Variants in ANKRD28 observed in about 807,000 individuals in gnomAD.
ANKRD28 encodes the protein ankyrin repeat domain 28, also known as serine/threonine-protein phosphatase 6 regulatory ankyrin repeat subunit A.
A neutral mutation model predicts 126.5 loss-of-function variants in ANKRD28; 44 were observed. The observed-to-expected ratio is 0.35, with a 90% confidence interval of 0.27 to 0.45. The LOEUF (loss-of-function observed/expected upper bound fraction) is 0.45. Ranked by LOEUF, ANKRD28 falls within the 20% of genes least tolerant of loss-of-function variation. ANKRD28 has a pLI of 1.00. For missense variants in ANKRD28, 1,110 were observed against 1,316.6 expected, an observed-to-expected ratio of 0.84 and a Z score of 2.43; for synonymous variants, 442 against 468.5, an observed-to-expected ratio of 0.94 and a Z score of 0.73.
At chr3:15,732,521 A>T (rs1289652824) in intron 6 of ANKRD28, 1 of 152,244 alleles carries the variant, frequency 6.6e-6, no homozygotes, top group African/African-American at 2.4e-5. Context: ...GACACGCAAA[A>T]GTGTGTTGTG....
intron 6 of ANKRD28, among the ~76,000 whole-genome samples, chr3:15,730,418 A>C (rs2074498012): frequency 6.6e-6 from 1 of 152,216 alleles, no homozygotes; most frequent in Non-Finnish European, 1.5e-5. Context: ...GTAGGGCCTA[A>C]AAGGAAATTA....
chr3:15,725,881 A>C (rs959861610), intron 6 of ANKRD28, among the ~76,000 whole-genome samples: 13 of 152,122 alleles, frequency 8.5e-5, no homozygotes, highest in Non-Finnish European at 1.9e-4. Flanking sequence ...TGTCTCCACT[A>C]AAAATACAAA....
intron 1 of ANKRD28, among the ~76,000 whole-genome samples, chr3:15,856,569 C>G (rs555982559): frequency 5.9e-5 from 9 of 152,260 alleles, no homozygotes; most frequent in African/African-American, 2.2e-4. Flanking sequence ...TGTGTCCATT[C>G]CTATAAACAG....
At chr3:15,823,606 T>C (rs1383987601) in intron 1 of ANKRD28, among the ~76,000 whole-genome samples, 1 of 152,026 alleles carries the variant, frequency 6.6e-6, no homozygotes, top group African/African-American at 2.4e-5. Flanking sequence ...ATACCAAAAC[T>C]AGAAAAAGAC....
At chr3:15,744,224 A>G (rs574676552) in intron 4 of ANKRD28, among the ~76,000 whole-genome samples, 2 of 152,330 alleles carry the variant, frequency 1.3e-5, no homozygotes, top group South Asian at 2.1e-4. Context: ...TACAGAAGTT[A>G]TATCTTTTTG....
At chr3:15,729,284 T>C (rs944131073) in intron 6 of ANKRD28, among the ~76,000 whole-genome samples, 1 of 152,204 alleles carries the variant, frequency 6.6e-6, no homozygotes, top group Non-Finnish European at 1.5e-5. Flanking sequence ...CACCTCTGTG[T>C]CTTTGTTCAT....
At chr3:15,783,024 T>C (rs766754585) in intron 2 of ANKRD28, among the ~76,000 whole-genome samples, 1 of 151,636 alleles carries the variant, frequency 6.6e-6, no homozygotes, top group Non-Finnish European at 1.5e-5. Flanking sequence ...AACATGACAA[T>C]GGGACAGTTT....
intron 6 of ANKRD28, among the ~76,000 whole-genome samples, chr3:15,730,209 G>C (rs1462656850): frequency 6.6e-6 from 1 of 152,098 alleles, no homozygotes; most frequent in East Asian, 1.9e-4. Flanking sequence ...TCACAATAAA[G>C]TAATTTGAAG....
chr3:15,737,036 A>G lies in ANKRD28; in HGVS notation c.549T>C (p.Gly183=). 1.2e-6 allele frequency: 2 copies of G among 1,613,898 alleles called. No homozygotes were observed. The highest frequency in any genetic ancestry group is 1.7e-6 in the Non-Finnish European group (2 of 1,179,844). Reference sequence around the variant, plus strand: ...GGTCTAATTGAATGCCACCTACCTCACCATGTCCACTGAAAGCTGCATGAT... The same window carrying G: ...GGTCTAATTGAATGCCACCTACCTCGCCATGTCCACTGAAAGCTGCATGAT... ...ALHHAAFSGH[G]EMVKLLLSRG... The change falls in exon 5 of 28, where the codon GGT becomes GGC. Residue 183 remains glycine (G), a synonymous_variant. Coordinates refer to ENST00000683139, the MANE Select transcript of ANKRD28 (RefSeq NM_001349278.2).
chr3:15,723,204 T>C (rs2073905035), intron 7 of ANKRD28, among the ~76,000 whole-genome samples: 1 of 152,230 alleles, frequency 6.6e-6, no homozygotes, highest in Non-Finnish European at 1.5e-5. Context: ...TTGCAACGTC[T>C]TCTTGTGATC....
chr3:15,752,299 A>T (rs1239631934), intron 3 of ANKRD28, among the ~76,000 whole-genome samples: 2 of 152,194 alleles, frequency 1.3e-5, no homozygotes, highest in African/African-American at 4.8e-5. Flanking sequence ...CACATTGTAT[A>T]AGATAGAAAC....
chr3:15,713,890 A>G (rs1178497329), intron 9 of ANKRD28, among the ~76,000 whole-genome samples: 1 of 152,202 alleles, frequency 6.6e-6, no homozygotes, highest in Non-Finnish European at 1.5e-5. Flanking sequence ...CTGGGGTCCA[A>G]TAAGTTTGGA....
chr3:15,681,472 C>T (rs970176865), intron 21 of ANKRD28, among the ~76,000 whole-genome samples: 13 of 152,090 alleles, frequency 8.5e-5, no homozygotes, highest in Admixed American at 3.3e-4. Flanking sequence ...AATTTAATAC[C>T]CTAATTACTA....
chr3:15,737,203 C>T lies in ANKRD28; in HGVS notation c.382G>A (p.Ala128Thr). ...TTTTTGTCTCGAGCATTAACATCTG[C>T]AGAATGCTTCAAAAGTACCTGAACT... Reference protein sequence around the residue: ...EAVQVLLKHSADVNARDKNWQ... With the variant: ...EAVQVLLKHSTDVNARDKNWQ... The change falls in exon 5 of 28, where the codon GCA (alanine) becomes ACA (threonine). Residue 128 changes from alanine to threonine, a missense_variant. Ala to Thr is a moderately conservative substitution (Grantham distance 58). Transcript: ENST00000683139. 6.2e-7 allele frequency: 1 copy of T among 1,613,914 alleles called. No homozygotes were observed. Among genetic ancestry groups the T allele is most frequent in the Non-Finnish European group, 8.5e-7 (1 of 1,179,864 alleles).
intron 1 of ANKRD28, among the ~76,000 whole-genome samples, chr3:15,835,256 G>A (rs1009099231): frequency 6.6e-6 from 1 of 152,172 alleles, no homozygotes; most frequent in Non-Finnish European, 1.5e-5. Flanking sequence ...TACACAAACA[G>A]TAAGCAATCT....
At chr3:15,740,351 T>G (rs1375582382) in intron 4 of ANKRD28, among the ~76,000 whole-genome samples, 1 of 152,060 alleles carries the variant, frequency 6.6e-6, no homozygotes, top group East Asian at 1.9e-4. Flanking sequence ...ACTAAAAAAT[T>G]CATGCATTTT....
rs139481209 is a variant in ANKRD28, at chr3:15,771,744, T to C, written c.202-5432A>G. On this transcript the variant is annotated intron_variant, in intron 2 of 27. Transcript: ENST00000683139. ...GGAGGGGACAAACATCCAAACGATATCATTTATTTTCAAAAGCACTTGAAA... is the reference window on the plus strand; with the variant it reads ...GGAGGGGACAAACATCCAAACGATACCATTTATTTTCAAAAGCACTTGAAA... 4.1e-3 allele frequency among the ~76,000 whole-genome samples: 627 copies of C among 152,274 alleles called. 8 individuals carry two copies. The highest frequency in any genetic ancestry group is 0.013 in the African/African-American group (560 of 41,548).
intron 1 of ANKRD28, among the ~76,000 whole-genome samples, chr3:15,834,965 C>T (rs763136320): frequency 6.6e-5 from 10 of 152,036 alleles, no homozygotes; most frequent in South Asian, 2.1e-4. Context: ...CTGGCCAACA[C>T]GGCAAAATGC....
chr3:15,721,713 A>G (rs114582746), intron 7 of ANKRD28, among the ~76,000 whole-genome samples: 263 of 152,324 alleles, frequency 1.7e-3, no homozygotes, highest in African/African-American at 5.9e-3. Context: ...GAGTATGCTC[A>G]AAAATGAGAA....
Sources: gnomAD v4.1 joint callset for allele counts (sites outside exome capture counted in the v4.1 genomes callset) on GRCh38, gnomAD v4.1.1 for gene constraint, MANE v1.5 for transcripts, NCBI Gene and HGNC (gene_info 2026-07-23, HGNC 2026-07-21) for gene names.